Variants in CLMP observed in about 807,000 individuals in gnomAD.
The protein encoded by CLMP is CXADR like cell adhesion molecule.
In CLMP, 27 loss-of-function variants were observed where a neutral mutation model predicts 45.2. The ratio of observed to expected loss-of-function variants is 0.60; its 90% CI spans 0.44 to 0.82. The LOEUF (loss-of-function observed/expected upper bound fraction) is 0.82. Among genes scored for constraint, CLMP ranks in the 40% least tolerant of loss-of-function variants. The pLI is 0.00. For missense variants in CLMP, 403 were observed against 448.4 expected (o/e 0.90, Z 0.91); for synonymous variants, 167 against 171.4 (o/e 0.97, Z 0.20).
At chr11:123,116,300 C>CGAG (rs1385311391) in intron 1 of CLMP, among the ~76,000 whole-genome samples, 4 of 152,102 alleles carry the variant, frequency 2.6e-5, no homozygotes, top group African/African-American at 9.7e-5. Context: ...GGCATGGTGG[C>CGAG]TCACGCCTGT....
intron 2 of CLMP, among the ~76,000 whole-genome samples, chr11:123,088,105 T>C (rs966056999): frequency 3.3e-5 from 5 of 151,964 alleles, no homozygotes; most frequent in African/African-American, 1.2e-4. Context: ...AGATGGGGTT[T>C]CTCCACGTTG....
At chr11:123,150,484 G>GAAAGAAAGAAAGAAAGAAAGA (rs1565397469) in intron 1 of CLMP, among the ~76,000 whole-genome samples, 20 of 33,104 alleles carry the variant, frequency 6.0e-4, no homozygotes, top group South Asian at 1.3e-3. Flanking sequence ...AGAAAGAAAG[G>GAAAGAAAGAAAGAAAGAAAGA]AAGGAAGGAA....
At chr11:123,136,040 T>C (rs1861066249) in intron 1 of CLMP, 1 of 589,836 alleles carries the variant, frequency 1.7e-6, no homozygotes. Context: ...CTTTGTTCGC[T>C]CGTTTCTTCA....
At chr11:123,135,809 G>C (rs1017027812) in intron 1 of CLMP, 4 of 339,370 alleles carry the variant, frequency 1.2e-5, no homozygotes, top group Non-Finnish European at 1.8e-5. Flanking sequence ...TTTCCAGCTA[G>C]TTGTTTCTCC....
intron 1 of CLMP, among the ~76,000 whole-genome samples, chr11:123,111,403 T>C (rs1479971643): frequency 1.3e-5 from 2 of 152,162 alleles, no homozygotes; most frequent in Non-Finnish European, 2.9e-5. Flanking sequence ...AGTGCTGGGA[T>C]TACAGGTGTG....
chr11:123,137,271 A>C (rs1861089713), intron 1 of CLMP, among the ~76,000 whole-genome samples: 1 of 145,092 alleles, frequency 6.9e-6, no homozygotes, highest in African/African-American at 2.6e-5. Flanking sequence ...CTCCTGCCTC[A>C]GCCTCCCGAG....
chr11:123,194,129 G>C (rs1269635257), intron 1 of CLMP, among the ~76,000 whole-genome samples: 2 of 151,968 alleles, frequency 1.3e-5, no homozygotes. Context: ...CTCTGCCTCA[G>C]GGCCTCTGAG....
At chr11:123,113,837 C>A (rs1860678883) in intron 1 of CLMP, among the ~76,000 whole-genome samples, 1 of 152,152 alleles carries the variant, frequency 6.6e-6, no homozygotes, top group Non-Finnish European at 1.5e-5. Flanking sequence ...ACAGCAGGTA[C>A]CTCTCTGAAT....
At chr11:123,184,531 A>G (rs1383270800) in intron 1 of CLMP, among the ~76,000 whole-genome samples, 3 of 152,172 alleles carry the variant, frequency 2.0e-5, no homozygotes, top group Non-Finnish European at 4.4e-5. Flanking sequence ...CGGAAGCAAA[A>G]GAGGAAAGGA....
In CLMP at chr11:123,106,145, A is replaced by ATTT. The variant is rs771578861; in HGVS notation, c.29-8196_29-8194dup. Among the ~76,000 whole-genome samples, 6 of 146,242 alleles carry ATTT rather than the reference A, an allele frequency of 4.1e-5. No individual in the cohort carries two copies. In the South Asian group the frequency reaches 8.6e-4, roughly 21 times the overall value. ...TGAGATTTTATTGTGATTTTATTCT[A>ATTT]TTTTTTTTTTTAGCTCATCAGCTGT... On this transcript the variant is annotated intron_variant, in intron 1 of 6. Transcript: ENST00000448775.
At chr11:123,083,617 T>G in intron 4 of CLMP, 63 bp downstream of exon 4, 1 of 1,546,440 alleles carries the variant, frequency 6.5e-7, no homozygotes, top group Admixed American at 1.7e-5. Flanking sequence ...AGAAAGCTGA[T>G]TTAGAGCTCA....
chr11:123,160,502 T>C (rs1046739428), intron 1 of CLMP, among the ~76,000 whole-genome samples: 29 of 152,102 alleles, frequency 1.9e-4, no homozygotes, highest in African/African-American at 6.5e-4. Flanking sequence ...GTGCAGCAGA[T>C]ATGCAACGAG....
intron 1 of CLMP, among the ~76,000 whole-genome samples, chr11:123,102,315 T>C (rs1860456499): frequency 6.9e-6 from 1 of 144,254 alleles, no homozygotes; most frequent in African/African-American, 2.6e-5. Context: ...GGAGTGTCTC[T>C]CTGTCGCCAG....
rs987901657 is a variant in CLMP, at chr11:123,074,949, T to G, written c.680-106A>C. ...TGGACAGAATGAGTATTTGCAGGTTTGTTTGTTTTGTTTTTTTTTTTTTGA... is the reference window on the plus strand; with the variant it reads ...TGGACAGAATGAGTATTTGCAGGTTGGTTTGTTTTGTTTTTTTTTTTTTGA... On this transcript the variant is annotated intron_variant, in intron 5 of 6. Transcript: ENST00000448775. 84 of 1,323,620 alleles carry G rather than the reference T, an allele frequency of 6.3e-5. No homozygotes were observed. The Middle Eastern group carries it at 7.7e-4, about 12-fold the overall frequency. The allele number at this position is 1,323,620 out of a possible 1,614,324, so 82.0% of individuals were successfully genotyped here. A position where few individuals can be genotyped will look rare whatever the true frequency, so the allele number is the denominator to read the frequency against.
chr11:123,096,640 A>G (rs570399980), intron 2 of CLMP, among the ~76,000 whole-genome samples: 12 of 152,220 alleles, frequency 7.9e-5, no homozygotes, highest in Non-Finnish European at 1.8e-4. Context: ...AAGCAATATC[A>G]ATATAATGAG....
At chr11:123,075,380 TTTTG>T (rs149732146) in intron 5 of CLMP, among the ~76,000 whole-genome samples, 13,072 of 151,662 alleles carry the variant, frequency 0.086, 1,179 homozygotes, top group African/African-American at 0.23. Context: ...TGGCCAGGGT[TTTTG>T]TTTGTTTGTT....
intron 1 of CLMP, among the ~76,000 whole-genome samples, chr11:123,147,569 T>G (rs1861256347): frequency 6.6e-6 from 1 of 152,194 alleles, no homozygotes; most frequent in South Asian, 2.1e-4. Context: ...TGAGCCACCA[T>G]GCCCAGCAGC....
At chr11:123,137,147 C>CTTTTTTTT (rs375816483) in intron 1 of CLMP, among the ~76,000 whole-genome samples, 109 of 82,468 alleles carry the variant, frequency 1.3e-3, no homozygotes, top group Admixed American at 1.6e-3. Context: ...TTTTCTTTTT[C>CTTTTTTTT]TTTTTTTTTT....
At chr11:123,096,597 T>C (rs1368029969) in intron 2 of CLMP, among the ~76,000 whole-genome samples, 1 of 152,116 alleles carries the variant, frequency 6.6e-6, no homozygotes, top group Non-Finnish European at 1.5e-5. Context: ...ACAGATAGTA[T>C]CTTAGGATGT....
Sources: gnomAD v4.1 joint callset for allele counts (sites outside exome capture counted in the v4.1 genomes callset) on GRCh38, gnomAD v4.1.1 for gene constraint, MANE v1.5 for transcripts, NCBI Gene and HGNC (gene_info 2026-07-23, HGNC 2026-07-21) for gene names.